Variants in DEPDC5 observed in about 807,000 individuals in gnomAD.
The protein encoded by DEPDC5 is GATOR1 complex protein DEPDC5.
A neutral mutation model predicts 217.3 loss-of-function variants in DEPDC5; 73 were observed. That is an observed-to-expected ratio of 0.34 (90% CI 0.28 to 0.41). The LOEUF is 0.41. Among genes scored for constraint, DEPDC5 ranks in the 10% least tolerant of loss-of-function variants. The pLI is 1.00. For synonymous variants in DEPDC5, 733 were observed against 756.7 expected (o/e 0.97, Z 0.51); for missense variants, 1,675 against 2,070.1 (o/e 0.81, Z 3.70).
intron 30 of DEPDC5, among the ~76,000 whole-genome samples, chr22:31,845,863 CTTT>C (rs113308736): frequency 7.2e-6 from 1 of 138,314 alleles, no homozygotes. Flanking sequence ...TCATGCTAGT[CTTT>C]TTTTTTTTTT....
intron 25 of DEPDC5, among the ~76,000 whole-genome samples, chr22:31,835,583 A>G (rs146392905): frequency 1.3e-5 from 2 of 152,304 alleles, no homozygotes; most frequent in East Asian, 3.9e-4. Context: ...GGCCAGGATG[A>G]TCTAAGAGGA....
At chr22:31,822,965 A>G in intron 24 of DEPDC5, 175 bp downstream of exon 24, 1 of 604,250 alleles carries the variant, frequency 1.7e-6, no homozygotes, top group Non-Finnish European at 2.9e-6. Context: ...AATGGGCTGC[A>G]CGTTAACATT....
intron 24 of DEPDC5, among the ~76,000 whole-genome samples, chr22:31,827,038 C>G (rs576845692): frequency 6.6e-6 from 1 of 152,044 alleles, no homozygotes; most frequent in Non-Finnish European, 1.5e-5. Flanking sequence ...GGACTACAGG[C>G]ACATACCACC....
chr22:31,802,771 C>T lies in DEPDC5; in HGVS notation c.1014C>T (p.Pro338=), dbSNP rs774034064. 1.2e-5 allele frequency: 20 copies of T among 1,605,676 alleles called. 1 individual carries two copies. In the Admixed American group the frequency reaches 2.1e-4, roughly 16 times the overall value. The stretch of plus-strand genomic sequence containing the variant: ...GGCAGATGTCAGTGGTGATCACGCC[C>T]GGGGTGGGTGTCTTTGAAGTGGACC... ...RTGQMSVVIT[P]GVGVFEVDRL... Residue 338 remains proline, a synonymous_variant, in exon 15 of 43, where the codon CCC becomes CCT. Coordinates refer to ENST00000651528, the MANE Select transcript of DEPDC5 (RefSeq NM_001242896.3).
chr22:31,802,564 C>T (rs924973034), intron 14 of DEPDC5, 140 bp from the exon 15 acceptor site: 14 of 951,146 alleles, frequency 1.5e-5, no homozygotes, highest in East Asian at 5.8e-5. Flanking sequence ...AAGACAGATG[C>T]GTATACATTT....
intron 31 of DEPDC5, among the ~76,000 whole-genome samples, chr22:31,855,487 C>T (rs1310524157): frequency 6.6e-6 from 1 of 151,878 alleles, no homozygotes; most frequent in Admixed American, 6.6e-5. Context: ...CGCCATTCTC[C>T]TGCCTCAGCC....
chr22:31,761,594 T>C (rs556081389), intron 4 of DEPDC5, among the ~76,000 whole-genome samples: 57 of 149,916 alleles, frequency 3.8e-4, no homozygotes, highest in African/African-American at 1.3e-3. Flanking sequence ...TCCCAAGAGT[T>C]TGAGGTTTCA....
chr22:31,804,313 T>C (rs544521024), intron 16 of DEPDC5, 90 bp downstream of exon 16: 53 of 1,253,748 alleles, frequency 4.2e-5, no homozygotes, highest in Non-Finnish European at 5.9e-5. Flanking sequence ...GCACTTATAG[T>C]CCCACTTACT....
chr22:31,780,456 A>G (rs1261146479), intron 8 of DEPDC5, among the ~76,000 whole-genome samples: 1 of 152,084 alleles, frequency 6.6e-6, no homozygotes, highest in Non-Finnish European at 1.5e-5. Flanking sequence ...TTGAGTCTGG[A>G]GTTCTCGTAA....
chr22:31,762,696 G>A (rs1283602126), intron 4 of DEPDC5, among the ~76,000 whole-genome samples: 1 of 152,198 alleles, frequency 6.6e-6, no homozygotes, highest in Non-Finnish European at 1.5e-5. Context: ...CTGGGAGGCA[G>A]AAGTTGTGGT....
At chr22:31,858,849 A>G (rs1034477199) in intron 32 of DEPDC5, 6 of 152,186 alleles carry the variant, frequency 3.9e-5, no homozygotes, top group African/African-American at 7.2e-5. Flanking sequence ...TGGAATAATC[A>G]TTTGACCACA....
In DEPDC5 at chr22:31,901,176, G is replaced by A. The variant is rs112431279; in HGVS notation, c.4376-566G>A. On this transcript the variant is annotated intron_variant, in intron 40 of 42. Transcript: ENST00000651528. ...GAGAATCACTTGAACCCGGCAGGCCGAGGTTGCAGTGAGCCAAGATCGCAC... is the reference window on the plus strand; with the variant it reads ...GAGAATCACTTGAACCCGGCAGGCCAAGGTTGCAGTGAGCCAAGATCGCAC... Among the ~76,000 whole-genome samples, 88 of 151,572 alleles carry A rather than the reference G, an allele frequency of 5.8e-4. 2 individuals are homozygous for A. The South Asian group carries it at 0.013, about 23-fold the overall frequency.
chr22:31,771,104 T>C (rs1234233274), intron 7 of DEPDC5, among the ~76,000 whole-genome samples: 1 of 152,152 alleles, frequency 6.6e-6, no homozygotes, highest in Non-Finnish European at 1.5e-5. Context: ...TTTCACCTAA[T>C]GGTTTCATCC....
rs369740612 is a variant in DEPDC5, at chr22:31,764,984, G to A, written c.203G>A (p.Ser68Asn). 4 of 1,613,774 alleles carry A rather than the reference G, an allele frequency of 2.5e-6. No individual in the cohort carries two copies. The highest frequency in any genetic ancestry group is 3.4e-6 in the Non-Finnish European group (4 of 1,179,654). The change falls in exon 5 of 43, where the codon AGT becomes AAT. Residue 68 changes from serine (S) to asparagine (N), a missense_variant. Ser to Asn is a conservative substitution (Grantham distance 46). Coordinates refer to ENST00000651528, the MANE Select transcript of DEPDC5 (RefSeq NM_001242896.3). ...ATTGTTTCTGTTTTAGAAACTATCA[G>A]TGTGGACCAGACTGTGACTCAAGTG... The part of the protein sequence containing the change: ...LKEDLQKETI[S>N]VDQTVTQVFR...
At chr22:31,780,498 C>T (rs761765829) in intron 8 of DEPDC5, among the ~76,000 whole-genome samples, 3 of 152,116 alleles carry the variant, frequency 2.0e-5, no homozygotes, top group African/African-American at 7.2e-5. Flanking sequence ...CCCCACTGCC[C>T]CCCAGTGTCC....
At chr22:31,835,235 G>A (rs1472204912) in intron 25 of DEPDC5, among the ~76,000 whole-genome samples, 1 of 152,196 alleles carries the variant, frequency 6.6e-6, no homozygotes, top group Non-Finnish European at 1.5e-5. Context: ...TTGGCAGATT[G>A]ACTATTTTCC....
At chr22:31,828,166 G>C (rs2090298670) in intron 24 of DEPDC5, among the ~76,000 whole-genome samples, 1 of 152,136 alleles carries the variant, frequency 6.6e-6, no homozygotes, top group Admixed American at 6.6e-5. Context: ...AACAGTTCCT[G>C]GTGGCTGGGC....
chr22:31,819,480 T>C (rs2089474866), intron 22 of DEPDC5, among the ~76,000 whole-genome samples: 2 of 150,548 alleles, frequency 1.3e-5, no homozygotes, highest in Non-Finnish European at 3.0e-5. Context: ...TTTTTTTTTT[T>C]CTTTTGAGAC....
chr22:31,866,109 G>C (rs1413502922), intron 33 of DEPDC5, among the ~76,000 whole-genome samples: 1 of 152,140 alleles, frequency 6.6e-6, no homozygotes, highest in Non-Finnish European at 1.5e-5. Context: ...AAGACCCATG[G>C]GGGATGCCTG....
Sources: gnomAD v4.1 joint callset for allele counts (sites outside exome capture counted in the v4.1 genomes callset) on GRCh38, gnomAD v4.1.1 for gene constraint, MANE v1.5 for transcripts, NCBI Gene and HGNC (gene_info 2026-07-23, HGNC 2026-07-21) for gene names.